The following SPPL3 variants were observed in gnomAD, a reference collection of about 807,000 sequenced individuals.
SPPL3 encodes the protein signal peptide peptidase-like 3.
SPPL3 carries 5 observed loss-of-function variants against 42.4 expected under a neutral mutation model. The observed-to-expected ratio is 0.12, with a 90% CI of 0.06 to 0.25. The LOEUF (loss-of-function observed/expected upper bound fraction) is 0.25, where lower values mean the gene tolerates loss of function less well. Among genes scored for constraint, SPPL3 ranks in the 10% least tolerant of loss-of-function variants. SPPL3 has a pLI of 1.00. For synonymous variants in SPPL3, 195 were observed against 181.8 expected (o/e 1.07, Z -0.58); for missense variants, 235 against 489.0 (o/e 0.48, Z 4.90).
chr12:120,859,867 C>T (rs572863123), intron 1 of SPPL3, among the ~76,000 whole-genome samples: 22 of 152,136 alleles, frequency 1.4e-4, no homozygotes, highest in Admixed American at 1.3e-4. Context: ...TGCTTGAACC[C>T]GGGAGGCAGA....
chr12:120,881,799 A>AC (rs1873293497), intron 1 of SPPL3, among the ~76,000 whole-genome samples: 1 of 111,842 alleles, frequency 8.9e-6, no homozygotes, highest in Non-Finnish European at 2.0e-5. Flanking sequence ...AAAGCCAATA[A>AC]CAAAAAAAAA....
At chr12:120,831,131 C>T (rs563530830) in intron 1 of SPPL3, among the ~76,000 whole-genome samples, 2 of 152,228 alleles carry the variant, frequency 1.3e-5, no homozygotes, top group African/African-American at 4.8e-5. Context: ...GACATTCCCA[C>T]TCTTGATTCC....
intron 1 of SPPL3, among the ~76,000 whole-genome samples, chr12:120,886,182 T>C (rs1168954): frequency 0.24 from 37,045 of 152,026 alleles, 5,603 homozygotes; most frequent in Non-Finnish European, 0.35. Context: ...TCAGTCCTTC[T>C]AGTAATCAAC....
intron 1 of SPPL3, among the ~76,000 whole-genome samples, chr12:120,824,348 C>T (rs966533391): frequency 6.6e-6 from 1 of 151,828 alleles, no homozygotes; most frequent in East Asian, 1.9e-4. Context: ...CTGGTGGAAA[C>T]GTTAGCAAAA....
At chr12:120,902,796 G>C (rs1151849) in intron 1 of SPPL3, among the ~76,000 whole-genome samples, 2 of 151,868 alleles carry the variant, frequency 1.3e-5, no homozygotes, top group African/African-American at 4.8e-5. Flanking sequence ...CCACTCCTAC[G>C]ATCATGCCAT....
At position 120,875,265 on chromosome 12, in the gene SPPL3, A is replaced by T. The variant is rs115722207; in HGVS notation, c.23+28580T>A. On this transcript the variant is annotated intron_variant, in intron 1 of 10. Transcript: ENST00000353487. ...ATGAAAATAACTAAAACAGAAAAAA[A>T]TTAAAATAGAAAAAATTTAAAATTT... Among the ~76,000 whole-genome samples, 515 of 152,322 alleles carry T rather than the reference A, an allele frequency of 3.4e-3. 3 individuals carry two copies. Among genetic ancestry groups the T allele is most frequent in the African/African-American group, 0.012 (498 of 41,576 alleles).
Position 120,845,123 on chromosome 12 carries a change from G to A in SPPL3, c.24-34237C>T, listed in dbSNP as rs972077885. 4.0e-5 allele frequency: 17 copies of A among 420,618 alleles called. 1 individual carries two copies. The highest frequency in any genetic ancestry group is 3.2e-4 in the South Asian group (15 of 46,968). 26.1% of individuals were successfully genotyped at this position (420,618 alleles called of 1,614,324 possible). A position where few individuals can be genotyped will look rare whatever the true frequency, so the allele number is the denominator to read the frequency against. ...GGGTGTCGCATTCACTTCTGGTTCC[G>A]GAGCGGACTAGACAGCCAGCCCAGT... On this transcript the variant is annotated intron_variant, in intron 1 of 10. Coordinates refer to ENST00000353487, the MANE Select transcript of SPPL3 (RefSeq NM_139015.5).
chr12:120,866,598 G>A (rs1404652751), intron 1 of SPPL3, among the ~76,000 whole-genome samples: 3 of 152,250 alleles, frequency 2.0e-5, no homozygotes, highest in South Asian at 4.1e-4. Context: ...TTAAAACGGA[G>A]AAATAATGTA....
At chr12:120,876,804 C>CACAT (rs1220155429) in intron 1 of SPPL3, among the ~76,000 whole-genome samples, 1 of 52,076 alleles carries the variant, frequency 1.9e-5, no homozygotes, top group African/African-American at 6.5e-5. Context: ...CCTTGAGAAA[C>CACAT]ACATACACAC....
chr12:120,893,048 A>AACTAAACGT lies in SPPL3; in HGVS notation c.23+10788_23+10796dup, dbSNP rs572942166. Among the ~76,000 whole-genome samples the AACTAAACGT allele has an allele frequency of 1.4e-4, 22 of 152,158 alleles. 2 individuals are homozygous for AACTAAACGT. In the South Asian group the frequency reaches 4.6e-3, roughly 32 times the overall value. Reference sequence around the variant, plus strand: ...CAATATACAAACCAAGAGAGACAAAAACTAAACGTACACACTAAGGACTCC... The same window carrying AACTAAACGT: ...CAATATACAAACCAAGAGAGACAAAAACTAAACGTACTAAACGTACACACTAAGGACTCC... On this transcript the variant is annotated intron_variant, in intron 1 of 10. Transcript: ENST00000353487.
chr12:120,810,680 C>T (rs919462063), intron 2 of SPPL3, 129 bp downstream of exon 2: 2 of 716,058 alleles, frequency 2.8e-6, no homozygotes, highest in African/African-American at 3.6e-5. Context: ...GCAGAACTCT[C>T]TATTCTGAGT....
intron 1 of SPPL3, among the ~76,000 whole-genome samples, chr12:120,874,038 A>T (rs1873003741): frequency 6.6e-6 from 1 of 152,206 alleles, no homozygotes; most frequent in Non-Finnish European, 1.5e-5. Context: ...GACCAATAAA[A>T]GCTGAGATAA....
intron 1 of SPPL3, among the ~76,000 whole-genome samples, chr12:120,826,729 T>G (rs1871241448): frequency 3.3e-5 from 5 of 152,168 alleles, no homozygotes; most frequent in African/African-American, 7.2e-5. Flanking sequence ...GATCTTTAGC[T>G]TCTCTAAAAA....
intron 1 of SPPL3, among the ~76,000 whole-genome samples, chr12:120,816,113 T>C (rs1289061743): frequency 6.6e-6 from 1 of 152,188 alleles, no homozygotes; most frequent in Admixed American, 6.5e-5. Context: ...AGCTACTGAC[T>C]TTCTTCATAG....
In SPPL3 at chr12:120,841,389, A is replaced by T. The variant is rs1592989952; in HGVS notation, c.24-30503T>A. 2.0e-5 allele frequency among the ~76,000 whole-genome samples: 3 copies of T among 151,842 alleles called. No homozygotes were observed. In the East Asian group the frequency reaches 5.8e-4, roughly 29 times the overall value. ...ACTATTAAAATCTTTATTATTCATC[A>T]GTTTTCTTTGCTAGTGTACTTTTAA... On this transcript the variant is annotated intron_variant, in intron 1 of 10. Coordinates refer to ENST00000353487, the MANE Select transcript of SPPL3 (RefSeq NM_139015.5).
At chr12:120,892,984 G>GAA (rs11373013) in intron 1 of SPPL3, among the ~76,000 whole-genome samples, 41,095 of 125,786 alleles carry the variant, frequency 0.33, 7,357 homozygotes, top group African/African-American at 0.37. Context: ...TCTGTCTCGG[G>GAA]AAAAAAAAAA....
chr12:120,842,687 C>T (rs1379394580), intron 1 of SPPL3, among the ~76,000 whole-genome samples: 6 of 151,926 alleles, frequency 3.9e-5, no homozygotes, highest in Admixed American at 3.9e-4. Flanking sequence ...CACTTTTGGG[C>T]CTCTTTTATA....
At chr12:120,787,160 G>A (rs767846971) in intron 3 of SPPL3, among the ~76,000 whole-genome samples, 1 of 152,082 alleles carries the variant, frequency 6.6e-6, no homozygotes, top group Non-Finnish European at 1.5e-5. Context: ...TATATAGTAA[G>A]CAACAGGAGG....
In SPPL3 at chr12:120,822,998, C is replaced by G. The variant is rs150798500; in HGVS notation, c.24-12112G>C. The stretch of plus-strand genomic sequence containing the variant: ...TAACAGGGAGACAAAAAGAAGTAAA[C>G]AGGTTGCCAAATTAAACAGACAGGT... On this transcript the variant is annotated intron_variant, in intron 1 of 10. Coordinates refer to ENST00000353487, the MANE Select transcript of SPPL3 (RefSeq NM_139015.5). 5.8e-3 allele frequency among the ~76,000 whole-genome samples: 886 copies of G among 151,634 alleles called. 10 individuals carry two copies. The highest frequency in any genetic ancestry group is 0.019 in the African/African-American group (800 of 41,276).
Sources: allele counts gnomAD v4.1 joint callset (sites outside exome capture counted in the v4.1 genomes callset), GRCh38; gene constraint gnomAD v4.1.1; transcripts MANE v1.5; gene names NCBI Gene and HGNC (gene_info 2026-07-23, HGNC 2026-07-21).